GLB1L2: variants seen among roughly 807,000 people sequenced by gnomAD.
The protein encoded by GLB1L2 is galactosidase beta 1 like 2.
Under a neutral mutation model 84.1 loss-of-function variants are expected in GLB1L2, and 68 were observed. The ratio of observed to expected loss-of-function variants is 0.81; its 90% confidence interval spans 0.67 to 0.99. GLB1L2 has a LOEUF of 0.99. Ranked by LOEUF, GLB1L2 falls within the 50% of genes least tolerant of loss-of-function variation. The pLI is 0.00. For synonymous variants in GLB1L2, 290 were observed against 318.0 expected (o/e 0.91, Z 0.94); for missense variants, 762 against 805.6 (o/e 0.95, Z 0.66).
chr11:134,375,100 G>A lies in GLB1L2; in HGVS notation c.*42G>A, dbSNP rs371997531. On this transcript the variant is annotated 3_prime_UTR_variant, in exon 19 of 19. Coordinates refer to ENST00000535456, the MANE Select transcript of GLB1L2 (RefSeq NM_001370461.1). ...CTGCTGGTGCCAGTGGGAGACTGCC[G>A]CCTCCTCTTGACCTGAAGCCTGGTG... is the stretch of plus-strand genomic sequence containing the variant. 17 of 1,534,980 alleles carry A rather than the reference G, an allele frequency of 1.1e-5. No homozygotes were observed. The highest frequency in any genetic ancestry group is 5.7e-5 in the South Asian group (5 of 86,970).
chr11:134,350,609 G>A (rs549803752), intron 5 of GLB1L2, among the ~76,000 whole-genome samples: 25 of 152,304 alleles, frequency 1.6e-4, no homozygotes, highest in African/African-American at 6.0e-4. Context: ...TTGAGTTTCG[G>A]TTTTTGTCAT....
intron 8 of GLB1L2, among the ~76,000 whole-genome samples, chr11:134,366,848 CCA>C: frequency 6.6e-6 from 1 of 151,408 alleles, no homozygotes; most frequent in Non-Finnish European, 1.5e-5. Context: ...GAGCCAGTAC[CCA>C]GGGTGGGGGG....
chr11:134,362,614 C>T (rs1036587617), intron 7 of GLB1L2, among the ~76,000 whole-genome samples: 1 of 152,190 alleles, frequency 6.6e-6, no homozygotes, highest in Non-Finnish European at 1.5e-5. Flanking sequence ...GGGTTCTTGC[C>T]GCAGCTGTTC....
Position 134,374,639 on chromosome 11 carries a change from ACCTT to A in GLB1L2, c.1746_1749del (p.Asn582LysfsTer20). 1 of 1,614,006 alleles carries A rather than the reference ACCTT, an allele frequency of 6.2e-7. No homozygotes were observed. The highest frequency in any genetic ancestry group is 8.5e-7 in the Non-Finnish European group (1 of 1,179,958). On this transcript the variant is annotated frameshift_variant, in exon 18 of 19. Transcript: ENST00000535456. LOFTEE classifies it high-confidence loss of function. ...GGGGTTGTATTCATCAATGGCCAGA[ACCTT>A]GGACGTTACTGGAACATTGGACCCC...
At chr11:134,336,441 A>G (rs1015320130) in intron 1 of GLB1L2, among the ~76,000 whole-genome samples, 10 of 152,142 alleles carry the variant, frequency 6.6e-5, no homozygotes, top group African/African-American at 2.4e-4. Flanking sequence ...ATATTATCCC[A>G]CTTGTCCATT....
chr11:134,374,923 C>T, intron 18 of GLB1L2, 49 bp from the exon 19 acceptor site: 1 of 1,566,788 alleles, frequency 6.4e-7, no homozygotes, highest in Non-Finnish European at 8.7e-7. Flanking sequence ...CCTCCCCTGG[C>T]TCCAGGACAG....
In GLB1L2 at chr11:134,374,261, G is replaced by GT. The variant is rs1251287025; in HGVS notation, c.1707+6dup. The GT allele has an allele frequency of 6.3e-7, 1 of 1,592,046 alleles. No individual in the cohort carries two copies. Among genetic ancestry groups the GT allele is most frequent in the Non-Finnish European group, 8.6e-7 (1 of 1,160,056 alleles). ...GACACCTTTCTGAAGCTGGAGGTTG[G>GT]TAACGCCCTTTTCCCTGCCAGTTTC... On this transcript the variant is annotated splice_donor_region_variant and intron_variant, in intron 17 of 18. Transcript: ENST00000535456.
In GLB1L2 at chr11:134,345,717, C is replaced by G. The variant is rs570983740; in HGVS notation, c.449+588C>G. On this transcript the variant is annotated intron_variant, in intron 4 of 18. Coordinates refer to ENST00000535456, the MANE Select transcript of GLB1L2 (RefSeq NM_001370461.1). ...AACTCCTGACCTTGTGATCTGCCCA[C>G]CTCGGCCTCCCAAAGTGCTGGGATT... is the stretch of plus-strand genomic sequence containing the variant. 6.6e-5 allele frequency among the ~76,000 whole-genome samples: 10 copies of G among 152,318 alleles called. No individual in the cohort carries two copies. The South Asian group carries it at 1.9e-3, about 28-fold the overall frequency.
Position 134,370,191 on chromosome 11 carries a change from A to T in GLB1L2, c.1109-102A>T, listed in dbSNP as rs1943929129. 3 of 956,572 alleles carry T rather than the reference A, an allele frequency of 3.1e-6. No homozygotes were observed. Among genetic ancestry groups the T allele is most frequent in the Admixed American group, 3.5e-5 (2 of 57,456 alleles). 59.3% of individuals were successfully genotyped at this position (956,572 alleles called of 1,614,324 possible). On this transcript the variant is annotated intron_variant, in intron 11 of 18. Transcript: ENST00000535456. This position sits in a 1 kb window ranked among gnomAD's most constrained non-coding sequence, Gnocchi z 4.7. ...GCCTGTTGTTCCTCTTGGTGCTGGG[A>T]CGCAGGAGCACATCGGGTCTGTGGA...
At chr11:134,373,926 GC>G in intron 16 of GLB1L2, 118 bp downstream of exon 16, 1 of 823,444 alleles carries the variant, frequency 1.2e-6, no homozygotes, top group South Asian at 1.6e-5. Context: ...GCCTCCAGGG[GC>G]CAGATCGGCT....
At chr11:134,364,240 G>T in intron 7 of GLB1L2, 88 bp from the exon 8 acceptor site, 1 of 973,950 alleles carries the variant, frequency 1.0e-6, no homozygotes, top group Admixed American at 2.1e-5. Context: ...TTATTGTGCT[G>T]GTGGATTGAG....
chr11:134,345,219 G>C, intron 4 of GLB1L2, 90 bp downstream of exon 4: 1 of 1,186,632 alleles, frequency 8.4e-7, no homozygotes, highest in South Asian at 2.3e-5. Context: ...TTCCCATTCT[G>C]TACTGAATTG....
rs1178740204 is a variant in GLB1L2 at position 134,356,290 on chromosome 11, T to G, written c.559-11T>G. 8 of 1,612,242 alleles carry G rather than the reference T, an allele frequency of 5.0e-6. No homozygotes were observed. The African/African-American group carries it at 1.1e-4, about 22-fold the overall frequency. On this transcript the variant is annotated splice_polypyrimidine_tract_variant and intron_variant, in intron 5 of 18. Transcript: ENST00000535456. Reference sequence around the variant, plus strand: ...ACACTCAGCTCCTGGTTTTCTGTCTTTTCTCCGCAGTACAAGCGTGGGGGA... The same window carrying G: ...ACACTCAGCTCCTGGTTTTCTGTCTGTTCTCCGCAGTACAAGCGTGGGGGA...
intron 1 of GLB1L2, among the ~76,000 whole-genome samples, chr11:134,332,982 C>A (rs968271300): frequency 6.6e-6 from 1 of 152,150 alleles, no homozygotes; most frequent in African/African-American, 2.4e-5. Context: ...ATGAACTGAA[C>A]GGTTGGAAGT....
At chr11:134,357,394 G>T (rs900132274) in intron 6 of GLB1L2, among the ~76,000 whole-genome samples, 3 of 152,224 alleles carry the variant, frequency 2.0e-5, no homozygotes, top group Admixed American at 2.0e-4. Context: ...GTCCAGGAAG[G>T]GTGGCATTCC....
intron 5 of GLB1L2, chr11:134,355,964 T>G: frequency 2.3e-5 from 11 of 482,310 alleles, no homozygotes; most frequent in Non-Finnish European, 2.9e-5. Flanking sequence ...CCATGCTACA[T>G]TGGGGTGGGG....
intron 9 of GLB1L2, 85 bp from the exon 10 acceptor site, chr11:134,368,559 G>A: frequency 6.9e-7 from 1 of 1,445,436 alleles, no homozygotes; most frequent in South Asian, 1.2e-5. Flanking sequence ...AGGTGGGACT[G>A]GGAAAGAGGA....
At chr11:134,373,941 C>T (rs984628957) in intron 16 of GLB1L2, 133 bp downstream of exon 16, 12 of 781,222 alleles carry the variant, frequency 1.5e-5, no homozygotes, top group African/African-American at 6.9e-5. Flanking sequence ...ATCGGCTGGC[C>T]GAGGTGAGGG....
Position 134,370,197 on chromosome 11 carries a change from G to T in GLB1L2, c.1109-96G>T. The T allele has an allele frequency of 2.0e-6, 2 of 1,002,570 alleles. No individual in the cohort carries two copies. Among genetic ancestry groups the T allele is most frequent in the Admixed American group, 3.5e-5 (2 of 57,948 alleles). 62.1% of individuals were successfully genotyped at this position (1,002,570 alleles called of 1,614,324 possible). On this transcript the variant is annotated intron_variant, in intron 11 of 18. Transcript: ENST00000535456. The surrounding 1 kb of genome is among the most constrained non-coding windows in gnomAD (Gnocchi z 4.7). ...TGTTCCTCTTGGTGCTGGGACGCAG[G>T]AGCACATCGGGTCTGTGGATGGGAG...
Sources: gnomAD v4.1 joint callset for allele counts (sites outside exome capture counted in the v4.1 genomes callset) on GRCh38, gnomAD v4.1.1 for gene constraint, Gnocchi (gnomAD v3.1) non-coding constraint, MANE v1.5 for transcripts, NCBI Gene and HGNC (gene_info 2026-07-23, HGNC 2026-07-21) for gene names.